NEBL: variants seen among roughly 807,000 people sequenced by gnomAD.
NEBL encodes the protein LIM and SH3 protein 2.
Under a neutral mutation model 140.2 loss-of-function variants are expected in NEBL, and 122 were observed. The ratio of observed to expected loss-of-function variants is 0.87; its 90% CI spans 0.75 to 1.01. The LOEUF is 1.01. Among genes scored for constraint, NEBL ranks in the 50% least tolerant of loss-of-function variants. The pLI is 0.00. For synonymous variants in NEBL, 436 were observed against 398.9 expected, an observed-to-expected ratio of 1.09 and a Z score of -1.11; for missense variants, 1,365 against 1,231.3, an observed-to-expected ratio of 1.11 and a Z score of -1.62.
At position 20,785,680 on chromosome 10, in the gene NEBL, T is replaced by C; in HGVS notation, c.*67A>G. 1 of 1,523,364 alleles carries C rather than the reference T, an allele frequency of 6.6e-7. No homozygotes were observed. The highest frequency in any genetic ancestry group is 9.0e-7 in the Non-Finnish European group (1 of 1,115,144). 94.4% of individuals were successfully genotyped at this position (1,523,364 alleles called of 1,614,324 possible). The stretch of plus-strand genomic sequence containing the variant: ...ATGGCCAAGTTGTCTTAAAAGTATC[T>C]TCTATCTTTTAAAAAGATTAGGTTT... On this transcript the variant is annotated 3_prime_UTR_variant, in exon 28 of 28. Transcript: ENST00000377122.
At chr10:20,941,286 G>A (rs924089269) in intron 4 of NEBL, among the ~76,000 whole-genome samples, 6 of 152,118 alleles carry the variant, frequency 3.9e-5, no homozygotes, top group Non-Finnish European at 7.3e-5. Context: ...TTCAACATAC[G>A]CAAATCAATA....
chr10:21,218,835 A>G (rs1293926036), intron 3 of NEBL, among the ~76,000 whole-genome samples: 1 of 152,232 alleles, frequency 6.6e-6, no homozygotes, highest in African/African-American at 2.4e-5. Context: ...AGTAGGAACT[A>G]TATGGAGAAA....
intron 3 of NEBL, among the ~76,000 whole-genome samples, chr10:21,009,600 C>T (rs975569875): frequency 1.3e-5 from 2 of 152,188 alleles, no homozygotes. Context: ...ATGAGAAAAA[C>T]TCCATTTTAC....
chr10:21,096,036 A>G (rs1015928274), intron 2 of NEBL, among the ~76,000 whole-genome samples: 7 of 152,240 alleles, frequency 4.6e-5, no homozygotes, highest in African/African-American at 1.7e-4. Flanking sequence ...CACAATAGTG[A>G]TGCTGTGCTT....
chr10:21,020,787 C>G (rs549094654), intron 2 of NEBL, among the ~76,000 whole-genome samples: 1 of 152,260 alleles, frequency 6.6e-6, no homozygotes, highest in South Asian at 2.1e-4. Context: ...GTGGTTCCTT[C>G]CCTGTCTCCT....
chr10:20,864,982 C>T (rs571081951), intron 7 of NEBL, among the ~76,000 whole-genome samples: 57 of 152,204 alleles, frequency 3.7e-4, no homozygotes, highest in African/African-American at 1.3e-3. Context: ...AATCTGATCA[C>T]TCAGTTGCTA....
intron 4 of NEBL, among the ~76,000 whole-genome samples, chr10:20,948,589 G>A (rs1473858232): frequency 6.6e-6 from 1 of 152,160 alleles, no homozygotes; most frequent in Non-Finnish European, 1.5e-5. Flanking sequence ...GAGAAAATGA[G>A]GGGAATAAAT....
intron 2 of NEBL, among the ~76,000 whole-genome samples, chr10:21,042,196 G>A (rs979290550): frequency 2.0e-5 from 3 of 152,144 alleles, no homozygotes; most frequent in Non-Finnish European, 4.4e-5. Context: ...TGTATTTAAC[G>A]TCTCATTTAA....
At chr10:21,164,178 T>C (rs1840667267) in intron 2 of NEBL, among the ~76,000 whole-genome samples, 1 of 152,244 alleles carries the variant, frequency 6.6e-6, no homozygotes, top group Non-Finnish European at 1.5e-5. Flanking sequence ...AATATTATTC[T>C]AGATTCCACG....
Position 20,782,555 on chromosome 10 carries a change from G to A in NEBL, c.*3192C>T, listed in dbSNP as rs552421826. ...AGACTGTGGCACATTGGAAAAACCA[G>A]ATCTGCATCTTCTTCAAGAAATAAA... On this transcript the variant is annotated 3_prime_UTR_variant, in exon 28 of 28. Transcript: ENST00000377122. 6.6e-6 allele frequency: 1 copy of A among 152,334 alleles called. No individual in the cohort carries two copies. The highest frequency in any genetic ancestry group is 2.4e-5 in the African/African-American group (1 of 41,558). The allele number at this position is 152,334 out of a possible 1,614,324, so 9.4% of individuals were successfully genotyped here.
chr10:20,905,513 C>A (rs992029782), intron 4 of NEBL, among the ~76,000 whole-genome samples: 14 of 152,074 alleles, frequency 9.2e-5, no homozygotes, highest in Non-Finnish European at 1.5e-4. Flanking sequence ...CTCACTGTCA[C>A]AACAGCAGCA....
chr10:20,976,509 G>A (rs1836805262), intron 3 of NEBL, among the ~76,000 whole-genome samples: 1 of 152,094 alleles, frequency 6.6e-6, no homozygotes, highest in Admixed American at 6.6e-5. Flanking sequence ...GCAAAGACAT[G>A]GAATCAACCC....
chr10:21,152,651 T>C (rs1840189256), intron 2 of NEBL, among the ~76,000 whole-genome samples: 1 of 151,956 alleles, frequency 6.6e-6, no homozygotes, highest in Admixed American at 6.6e-5. Context: ...TCATCCAAAC[T>C]TCTAACTATT....
At chr10:20,808,860 C>T (rs576940223) in intron 25 of NEBL, among the ~76,000 whole-genome samples, 2 of 152,234 alleles carry the variant, frequency 1.3e-5, no homozygotes, top group East Asian at 1.9e-4. Flanking sequence ...TCGTTTTATG[C>T]TCTTTTAAGT....
At chr10:21,025,684 A>G (rs1838997421) in intron 2 of NEBL, among the ~76,000 whole-genome samples, 1 of 152,194 alleles carries the variant, frequency 6.6e-6, no homozygotes, top group South Asian at 2.1e-4. Context: ...CGGTGCTTAT[A>G]GGAGCACAGG....
rs1835348106 is a variant in NEBL at position 20,785,684 on chromosome 10, A to G, written c.*63T>C. ...CCAAGTTGTCTTAAAAGTATCTTCT[A>G]TCTTTTAAAAAGATTAGGTTTGGGA... On this transcript the variant is annotated 3_prime_UTR_variant, in exon 28 of 28. Coordinates refer to ENST00000377122, the MANE Select transcript of NEBL (RefSeq NM_006393.3). 1.3e-6 allele frequency: 2 copies of G among 1,540,238 alleles called. No homozygotes were observed. The highest frequency in any genetic ancestry group is 3.6e-5 in the Admixed American group (2 of 55,016).
chr10:21,028,253 A>AC (rs1203910358), intron 2 of NEBL, among the ~76,000 whole-genome samples: 1 of 129,256 alleles, frequency 7.7e-6, no homozygotes, highest in African/African-American at 2.9e-5. Flanking sequence ...AAAAAAAAAA[A>AC]AAAGAAGAAG....
In NEBL at chr10:20,893,418, A is replaced by C; in HGVS notation, c.154-3469T>G. 1.3e-5 allele frequency among the ~76,000 whole-genome samples: 2 copies of C among 152,228 alleles called. 1 individual carries two copies. The highest frequency in any genetic ancestry group is 3.8e-4 in the East Asian group (2 of 5,206). On this transcript the variant is annotated intron_variant, in intron 2 of 27. Transcript: ENST00000377122. ...AGAAAAATAAAAGAGGCTGCCTCAGAAGACCAGCTGTTCTTCAAGACTGGG... is the reference window on the plus strand; with the variant it reads ...AGAAAAATAAAAGAGGCTGCCTCAGCAGACCAGCTGTTCTTCAAGACTGGG...
chr10:20,808,106 A>T (rs1221105060), intron 26 of NEBL, among the ~76,000 whole-genome samples: 1 of 152,050 alleles, frequency 6.6e-6, no homozygotes, highest in African/African-American at 2.4e-5. Context: ...CCTCTGAGGT[A>T]CCCCAATATT....
Sources: allele counts gnomAD v4.1 joint callset (sites outside exome capture counted in the v4.1 genomes callset), GRCh38; gene constraint gnomAD v4.1.1; transcripts MANE v1.5; gene names NCBI Gene and HGNC (gene_info 2026-07-23, HGNC 2026-07-21).